WWOX: variants seen among roughly 807,000 people sequenced by gnomAD.
WWOX encodes the protein WW domain-containing oxidoreductase.
Under a neutral mutation model 46.2 loss-of-function variants are expected in WWOX, and 69 were observed. The observed-to-expected ratio is 1.49, with a 90% CI of 1.23 to 1.82. The LOEUF is 1.82. Among genes scored for constraint, WWOX ranks in the 40% most tolerant of loss-of-function variants. The pLI is 0.00. For synonymous variants in WWOX, 359 were observed against 202.6 expected, an observed-to-expected ratio of 1.77 and a Z score of -6.56; for missense variants, 919 against 542.6, an observed-to-expected ratio of 1.69 and a Z score of -6.89.
intron 8 of WWOX, chr16:78,996,234 A>G: frequency 1.0e-6 from 1 of 985,258 alleles, no homozygotes; most frequent in Non-Finnish European, 1.2e-6. Flanking sequence ...AGAAGAAGTA[A>G]CCTTGAAAAG....
intron 8 of WWOX, among the ~76,000 whole-genome samples, chr16:79,033,516 A>C (rs539516075): frequency 6.6e-6 from 1 of 152,092 alleles, no homozygotes; most frequent in African/African-American, 2.4e-5. Flanking sequence ...AGGTACAGGG[A>C]TTTTCCAGAT....
At chr16:78,941,211 G>A (rs1036203970) in intron 8 of WWOX, among the ~76,000 whole-genome samples, 3 of 152,200 alleles carry the variant, frequency 2.0e-5, no homozygotes, top group African/African-American at 7.2e-5. Context: ...AATCTATCAT[G>A]TAGTGGAGAG....
intron 5 of WWOX, among the ~76,000 whole-genome samples, chr16:78,176,014 G>C (rs2035332589): frequency 6.6e-6 from 1 of 152,096 alleles, no homozygotes; most frequent in South Asian, 2.1e-4. Context: ...TACCTGATCA[G>C]GAATCACCCC....
At chr16:79,099,564 TTG>T (rs35767872) in intron 8 of WWOX, among the ~76,000 whole-genome samples, 3,673 of 148,838 alleles carry the variant, frequency 0.025, 62 homozygotes, top group Middle Eastern at 0.058. Flanking sequence ...GAAATGTAGA[TTG>T]TGTGTGCGTG....
chr16:78,947,510 G>A (rs1184245162), intron 8 of WWOX, among the ~76,000 whole-genome samples: 4 of 152,218 alleles, frequency 2.6e-5, no homozygotes, highest in African/African-American at 9.6e-5. Flanking sequence ...TGAATGCAGA[G>A]TCGGCTGGGA....
chr16:78,188,275 G>T (rs2035771776), intron 5 of WWOX, among the ~76,000 whole-genome samples: 1 of 152,088 alleles, frequency 6.6e-6, no homozygotes, highest in Non-Finnish European at 1.5e-5. Context: ...AGATCACGAG[G>T]TCAGGAGATC....
chr16:78,631,404 T>C (rs906522099), intron 8 of WWOX, among the ~76,000 whole-genome samples: 7 of 152,222 alleles, frequency 4.6e-5, no homozygotes, highest in African/African-American at 1.2e-4. Context: ...CATCAAGATA[T>C]TCCAGCTATG....
At chr16:78,983,292 C>G (rs144855784) in intron 8 of WWOX, among the ~76,000 whole-genome samples, 1 of 152,092 alleles carries the variant, frequency 6.6e-6, no homozygotes, top group Non-Finnish European at 1.5e-5. Flanking sequence ...AAGAAGCTGG[C>G]GGGAGAGTAG....
At chr16:78,370,508 A>G (rs1567531082) in intron 5 of WWOX, among the ~76,000 whole-genome samples, 1 of 149,722 alleles carries the variant, frequency 6.7e-6, no homozygotes, top group African/African-American at 2.5e-5. Context: ...TTTTTTTTTG[A>G]TTTTTTTATG....
chr16:78,477,253 C>T lies in WWOX; in HGVS notation c.1056+44501C>T, dbSNP rs375658917. On this transcript the variant is annotated intron_variant, in intron 8 of 8. Transcript: ENST00000566780. Reference sequence around the variant, plus strand: ...GTATTTAAGGGGATGATCTTCTAGTCTAGATTACCTATTGATTTTTAATAT... The same window carrying T: ...GTATTTAAGGGGATGATCTTCTAGTTTAGATTACCTATTGATTTTTAATAT... Among the ~76,000 whole-genome samples, 367 of 152,174 alleles carry T rather than the reference C, an allele frequency of 2.4e-3. 3 individuals are homozygous for T. The highest frequency in any genetic ancestry group is 8.3e-3 in the African/African-American group (346 of 41,516).
At chr16:78,664,833 C>G (rs1428767382) in intron 8 of WWOX, among the ~76,000 whole-genome samples, 1 of 152,100 alleles carries the variant, frequency 6.6e-6, no homozygotes, top group African/African-American at 2.4e-5. Context: ...TTGCAGGCAA[C>G]AAGAGTCCAA....
chr16:78,733,108 C>G (rs544368673), intron 8 of WWOX, among the ~76,000 whole-genome samples: 5 of 152,120 alleles, frequency 3.3e-5, no homozygotes, highest in Admixed American at 6.5e-5. Flanking sequence ...ATTTGCTCCG[C>G]TGTTACATCA....
chr16:78,260,210 A>G (rs2038242602), intron 5 of WWOX, among the ~76,000 whole-genome samples: 1 of 151,486 alleles, frequency 6.6e-6, no homozygotes, highest in Non-Finnish European at 1.5e-5. Flanking sequence ...CAGGGTCTGG[A>G]GTAGACCCCC....
chr16:79,023,244 A>G (rs2047570440), intron 8 of WWOX, among the ~76,000 whole-genome samples: 2 of 152,200 alleles, frequency 1.3e-5, no homozygotes, highest in African/African-American at 4.8e-5. Context: ...AAGCTGTGTA[A>G]TAAAAGAATT....
chr16:79,166,055 C>G (rs2050588246), intron 8 of WWOX, among the ~76,000 whole-genome samples: 1 of 152,210 alleles, frequency 6.6e-6, no homozygotes, highest in Non-Finnish European at 1.5e-5. Flanking sequence ...TTTAAAAAGG[C>G]TGCGTCCCAG....
At chr16:78,736,323 G>A (rs2049090984) in intron 8 of WWOX, among the ~76,000 whole-genome samples, 2 of 152,046 alleles carry the variant, frequency 1.3e-5, no homozygotes, top group African/African-American at 4.8e-5. Context: ...CAGGTGTCTT[G>A]GGCAAGGTGG....
At chr16:78,288,964 G>C (rs762980607) in intron 5 of WWOX, among the ~76,000 whole-genome samples, 2 of 152,184 alleles carry the variant, frequency 1.3e-5, no homozygotes, top group African/African-American at 2.4e-5. Context: ...AGATTGTTGA[G>C]TGTTGCCAAG....
chr16:78,373,998 G>C (rs2081757616), intron 5 of WWOX, among the ~76,000 whole-genome samples: 1 of 152,214 alleles, frequency 6.6e-6, no homozygotes, highest in Non-Finnish European at 1.5e-5. Context: ...TGTTGGCCAG[G>C]CTGGTCTTGA....
At chr16:78,539,131 T>A (rs74655123) in intron 8 of WWOX, among the ~76,000 whole-genome samples, 1 of 152,226 alleles carries the variant, frequency 6.6e-6, no homozygotes, top group Non-Finnish European at 1.5e-5. Context: ...TCTGTAGGCC[T>A]TTAATGATGT....
Sources: allele counts gnomAD v4.1 joint callset (sites outside exome capture counted in the v4.1 genomes callset), GRCh38; gene constraint gnomAD v4.1.1; transcripts MANE v1.5; gene names NCBI Gene and HGNC (gene_info 2026-07-23, HGNC 2026-07-21).